The following MFN1 variants were observed in gnomAD, a reference collection of about 807,000 sequenced individuals.
MFN1 encodes the protein mitofusin-1.
In MFN1, 65 loss-of-function variants were observed where a neutral mutation model predicts 92.4. That is an observed-to-expected ratio of 0.70 (90% CI 0.58 to 0.86). MFN1 has a LOEUF of 0.86. MFN1 is among the 40% of genes least tolerant of loss of function. MFN1 has a pLI of 0.00. For missense variants in MFN1, 781 were observed against 868.0 expected, an observed-to-expected ratio of 0.90 and a Z score of 1.26; for synonymous variants, 297 against 300.9, an observed-to-expected ratio of 0.99 and a Z score of 0.13.
intron 14 of MFN1, among the ~76,000 whole-genome samples, chr3:179,379,442 C>T (rs1027454009): frequency 1.3e-5 from 2 of 152,174 alleles, no homozygotes; most frequent in East Asian, 1.9e-4. Flanking sequence ...CAACCTCCAC[C>T]TCCCGGGTTC....
rs114777243 is a variant in MFN1, at chr3:179,388,468, G to A, written c.2013-1536G>A. 4.2e-3 allele frequency among the ~76,000 whole-genome samples: 643 copies of A among 152,244 alleles called. 4 individuals carry two copies. The highest frequency in any genetic ancestry group is 0.014 in the African/African-American group (586 of 41,530). On this transcript the variant is annotated intron_variant, in intron 16 of 17. Transcript: ENST00000471841. Reference sequence around the variant, plus strand: ...CAACTTAAATATTTGTTTCATTCATGTGGTAAAAATATATAGAACTCCAGT... The same window carrying A: ...CAACTTAAATATTTGTTTCATTCATATGGTAAAAATATATAGAACTCCAGT...
intron 15 of MFN1, 36 bp downstream of exon 15, chr3:179,385,757 A>C (rs1473804540): frequency 6.3e-7 from 1 of 1,595,180 alleles, no homozygotes; most frequent in African/African-American, 1.3e-5. Flanking sequence ...TTAAAATCGA[A>C]ATGTTTGCAA....
Position 179,365,102 on chromosome 3 carries a change from T to G in MFN1, c.646-16T>G. The G allele has an allele frequency of 7.0e-7, 1 of 1,433,010 alleles. No individual in the cohort carries two copies. The highest frequency in any genetic ancestry group is 9.4e-7 in the Non-Finnish European group (1 of 1,062,518). 88.8% of individuals were successfully genotyped at this position (1,433,010 alleles called of 1,614,324 possible). On this transcript the variant is annotated splice_polypyrimidine_tract_variant and intron_variant, in intron 6 of 17. Transcript: ENST00000471841. ...AATTATAGTGAATGTACTGTGGGGTTTTTTTTGTTTTTCAGGAAAAACACT... is the reference window on the plus strand; with the variant it reads ...AATTATAGTGAATGTACTGTGGGGTGTTTTTTGTTTTTCAGGAAAAACACT...
At chr3:179,369,520 A>G (rs1040765157) in intron 9 of MFN1, among the ~76,000 whole-genome samples, 2 of 152,208 alleles carry the variant, frequency 1.3e-5, no homozygotes, top group Non-Finnish European at 2.9e-5. Flanking sequence ...ACACATTTAT[A>G]CTGCTTCCAT....
Position 179,348,828 on chromosome 3 carries a change from A to T in MFN1, c.-7-17A>T. ...ATCCACTTTAGTTGGTGCTTTTCTA[A>T]CTTTATCTCCCTCTAGTAGCATAAT... On this transcript the variant is annotated splice_polypyrimidine_tract_variant and intron_variant, in intron 1 of 17. Coordinates refer to ENST00000471841, the MANE Select transcript of MFN1 (RefSeq NM_033540.3). 1.2e-6 allele frequency: 2 copies of T among 1,605,302 alleles called. No individual in the cohort carries two copies. Among genetic ancestry groups the T allele is most frequent in the African/African-American group, 2.7e-5 (2 of 74,940 alleles).
Position 179,347,729 on chromosome 3 carries a change from G to T in MFN1, c.-89G>T, listed in dbSNP as rs1413823009. ...TTGCCACTCCCCCTGCCTCCTCTCC[G>T]CCTTTAACTTCTCGGGAAGATGAGG... On this transcript the variant is annotated 5_prime_UTR_variant, in exon 1 of 18. Coordinates refer to ENST00000471841, the MANE Select transcript of MFN1 (RefSeq NM_033540.3). The T allele has an allele frequency of 6.6e-6, 1 of 152,430 alleles. No individual in the cohort carries two copies. Among genetic ancestry groups the T allele is most frequent in the South Asian group, 2.1e-4 (1 of 4,826 alleles). 9.4% of individuals were successfully genotyped at this position (152,430 alleles called of 1,614,324 possible).
In MFN1 at chr3:179,366,302, A is replaced by G. The variant is rs1187741426; in HGVS notation, c.753+1077A>G. 3.9e-5 allele frequency among the ~76,000 whole-genome samples: 6 copies of G among 152,150 alleles called. No individual in the cohort carries two copies. In the East Asian group the frequency reaches 1.2e-3, roughly 29 times the overall value. ...GAATATGTTCGATTTTAGTAAATAT[A>G]TAGCACCAGAGTTCTCCAAAGTGCT... On this transcript the variant is annotated intron_variant, in intron 7 of 17. Coordinates refer to ENST00000471841, the MANE Select transcript of MFN1 (RefSeq NM_033540.3).
chr3:179,347,836 C>A (rs1194056318), intron 1 of MFN1, 26 bp downstream of exon 1: 2 of 152,270 alleles, frequency 1.3e-5, no homozygotes, highest in East Asian at 3.9e-4. Flanking sequence ...CTCGACAGCA[C>A]GTTTGCGACG....
intron 6 of MFN1, 37 bp from the exon 7 acceptor site, chr3:179,365,081 A>T (rs755067948): frequency 1.8e-6 from 2 of 1,133,842 alleles, no homozygotes; most frequent in African/African-American, 3.2e-5. Flanking sequence ...AATGTAAATT[A>T]TAGTGAATGT....
At chr3:179,370,470 G>A (rs527523170) in intron 9 of MFN1, among the ~76,000 whole-genome samples, 6 of 146,938 alleles carry the variant, frequency 4.1e-5, no homozygotes, top group Admixed American at 7.0e-5. Context: ...TGAGTGCAGC[G>A]GCGCGATGTC....
Position 179,390,095 on chromosome 3 carries a change from A to G in MFN1, c.2104A>G (p.Ile702Val). The G allele has an allele frequency of 6.2e-7, 1 of 1,605,772 alleles. No homozygotes were observed. The highest frequency in any genetic ancestry group is 8.5e-7 in the Non-Finnish European group (1 of 1,177,542). The change falls in exon 17 of 18, where the codon ATA becomes GTA. Residue 702 changes from isoleucine to valine, a missense_variant. Transcript: ENST00000471841. ...AGAAATTGCTAGATTACCCAAAGAA[A>G]TAGATCAGTTGGAGAAAATACAAAA... ...EEEIARLPKE[I>V]DQLEKIQNNS...
rs1429900512 is a variant in MFN1, at chr3:179,384,472, G to A, written c.1663-1097G>A. The stretch of plus-strand genomic sequence containing the variant: ...TTCTTTTGTGAAATGTCTATTCAAA[G>A]CTTTTACCTATTTTTAAATTATTTG... On this transcript the variant is annotated intron_variant, in intron 14 of 17. Transcript: ENST00000471841. Among the ~76,000 whole-genome samples, 4 of 150,142 alleles carry A rather than the reference G, an allele frequency of 2.7e-5. No individual in the cohort carries two copies. In the East Asian group the frequency reaches 7.7e-4, roughly 29 times the overall value.
rs951020972 is a variant in MFN1 at position 179,362,554 on chromosome 3, T to C, written c.536+72T>C. 3 of 1,362,326 alleles carry C rather than the reference T, an allele frequency of 2.2e-6. No individual in the cohort carries two copies. The African/African-American group carries it at 4.4e-5, about 20-fold the overall frequency. 84.4% of individuals were successfully genotyped at this position (1,362,326 alleles called of 1,614,324 possible). The stretch of plus-strand genomic sequence containing the variant: ...GTATAATACTGCTTACTTTAGCATA[T>C]GGTATAAAAAATTACAACATTCAGT... On this transcript the variant is annotated intron_variant, in intron 5 of 17. Coordinates refer to ENST00000471841, the MANE Select transcript of MFN1 (RefSeq NM_033540.3).
chr3:179,362,627 GTTTTA>G lies in MFN1; in HGVS notation c.536+152_536+156del, dbSNP rs968863411. The G allele has an allele frequency of 1.4e-4, 91 of 673,750 alleles. 1 individual carries two copies. The African/African-American group carries it at 1.6e-3, about 12-fold the overall frequency. The allele number at this position is 673,750 out of a possible 1,614,324, so 41.7% of individuals were successfully genotyped here. ...AGATTAAGGAAGAGATATGGTATTG[GTTTTA>G]TTTTATAAGTTACATAAAAGCACCA... On this transcript the variant is annotated intron_variant, in intron 5 of 17. Transcript: ENST00000471841.
intron 14 of MFN1, among the ~76,000 whole-genome samples, chr3:179,384,648 C>G (rs919299363): frequency 6.6e-6 from 1 of 152,178 alleles, no homozygotes; most frequent in African/African-American, 2.4e-5. Context: ...TCACTGCCAC[C>G]TCTGCTTCCA....
At chr3:179,383,934 G>T (rs1713573331) in intron 14 of MFN1, among the ~76,000 whole-genome samples, 1 of 152,056 alleles carries the variant, frequency 6.6e-6, no homozygotes, top group African/African-American at 2.4e-5. Flanking sequence ...CCACAATTTA[G>T]TTTTAGTTTT....
intron 7 of MFN1, among the ~76,000 whole-genome samples, chr3:179,366,766 C>G (rs1279242362): frequency 1.3e-5 from 2 of 152,068 alleles, no homozygotes; most frequent in Admixed American, 1.3e-4. Flanking sequence ...TTTTGCAAGT[C>G]TTAATATAGA....
rs569323148 is a variant in MFN1 at position 179,384,612 on chromosome 3, C to T, written c.1663-957C>T. On this transcript the variant is annotated intron_variant, in intron 14 of 17. Transcript: ENST00000471841. ...GAGACAAGGACTTGCTATGCCCAAG[C>T]TGGAGTATGGTGGTGTGATCACAGT... is the stretch of plus-strand genomic sequence containing the variant. Among the ~76,000 whole-genome samples, 477 of 152,302 alleles carry T rather than the reference C, an allele frequency of 3.1e-3. 2 individuals are homozygous for T. Among genetic ancestry groups the T allele is most frequent in the Non-Finnish European group, 4.8e-3 (325 of 68,026 alleles).
At chr3:179,378,539 ACATTTAC>A in intron 13 of MFN1, 39 bp from the exon 14 acceptor site, 2 of 1,548,584 alleles carry the variant, frequency 1.3e-6, no homozygotes, top group Non-Finnish European at 1.8e-6. Flanking sequence ...TGAAGGTAAA[ACATTTAC>A]CATTCTTATC....
Sources: gnomAD v4.1 joint callset for allele counts (sites outside exome capture counted in the v4.1 genomes callset) on GRCh38, gnomAD v4.1.1 for gene constraint, MANE v1.5 for transcripts, NCBI Gene and HGNC (gene_info 2026-07-23, HGNC 2026-07-21) for gene names.